The following LRCH2 variants were observed in gnomAD, a reference collection of about 807,000 sequenced individuals.
The protein encoded by LRCH2 is leucine rich repeats and calponin homology domain containing 2.
A neutral mutation model predicts 68.9 loss-of-function variants in LRCH2; 38 were observed. That is an observed-to-expected ratio of 0.55 (90% confidence interval 0.43 to 0.72). The LOEUF is 0.72. Ranked by LOEUF, LRCH2 falls within the 30% of genes least tolerant of loss-of-function variation. LRCH2 has a pLI of 0.00. For synonymous variants in LRCH2, 191 were observed against 208.1 expected, an observed-to-expected ratio of 0.92 and a Z score of 0.71; for missense variants, 528 against 572.9, an observed-to-expected ratio of 0.92 and a Z score of 0.80.
rs200064828 is a variant in LRCH2, at chrX:115,190,721, G to A, written c.350-2351C>T. ...GGAGAAGGCCGCTATGAGGAGTACC[G>A]AGGCCGCTCACACGAGGCCCGCAGC... On this transcript the variant is annotated intron_variant, in intron 1 of 20. Coordinates refer to ENST00000317135, the MANE Select transcript of LRCH2 (RefSeq NM_020871.4). 3,384 of 1,164,190 alleles carry A rather than the reference G, an allele frequency of 2.9e-3. 8 individuals carry two copies. The highest frequency in any genetic ancestry group is 3.4e-3 in the Non-Finnish European group (2,987 of 872,195).
In LRCH2 at chrX:115,119,840, G is replaced by C. The variant is rs1446664874; in HGVS notation, c.2178+2687C>G. Among the ~76,000 whole-genome samples the C allele has an allele frequency of 5.5e-4, 59 of 107,305 alleles. 1 individual carries two copies. The highest frequency in any genetic ancestry group is 3.3e-3 in the Admixed American group (33 of 9,921). The allele number at this position is 107,305 out of a possible 115,157, so 93.2% of individuals were successfully genotyped here. On this transcript the variant is annotated intron_variant, in intron 20 of 20. Coordinates refer to ENST00000317135, the MANE Select transcript of LRCH2 (RefSeq NM_020871.4). ...AACAGAGATATAGATCAATGGAACA[G>C]AACAGAGCCCTCAGAAATAACACCG...
At chrX:115,121,815 G>T (rs868942282) in intron 20 of LRCH2, among the ~76,000 whole-genome samples, 3 of 111,782 alleles carry the variant, frequency 2.7e-5, no homozygotes, top group Admixed American at 9.5e-5. Flanking sequence ...GGGATCTGTA[G>T]ACCAGATTAT....
intron 15 of LRCH2, among the ~76,000 whole-genome samples, chrX:115,129,532 T>C (rs1032689660): frequency 1.8e-5 from 2 of 111,327 alleles, no homozygotes; most frequent in Admixed American, 1.9e-4. Flanking sequence ...CGACCAATCA[T>C]CTGGCTCTAT....
chrX:115,210,902 A>G (rs1387206452), intron 1 of LRCH2, among the ~76,000 whole-genome samples: 1 of 112,069 alleles, frequency 8.9e-6, no homozygotes. Flanking sequence ...AACTTGCACA[A>G]GGCCTGTAAC....
At chrX:115,197,818 G>GTCTCTCTCTCTCTCTCTC (rs1196662958) in intron 1 of LRCH2, among the ~76,000 whole-genome samples, 13 of 13,413 alleles carry the variant, frequency 9.7e-4, no homozygotes, top group African/African-American at 1.9e-3. Context: ...AACAGAACAA[G>GTCTCTCTCTCTCTCTCTC]TCTCTCTCTC....
At chrX:115,152,719 T>G (rs1007966197) in intron 12 of LRCH2, among the ~76,000 whole-genome samples, 2 of 110,316 alleles carry the variant, frequency 1.8e-5, no homozygotes, top group African/African-American at 6.6e-5. Flanking sequence ...GGCCCCAAAA[T>G]TTCAAATTTC....
At chrX:115,138,973 A>G (rs782545246) in intron 14 of LRCH2, 12 of 111,394 alleles carry the variant, frequency 1.1e-4, no homozygotes, top group Middle Eastern at 4.3e-3. Context: ...GAAAAACAGA[A>G]AGGTCAGTCC....
chrX:115,193,790 C>A (rs2072866274), intron 1 of LRCH2, among the ~76,000 whole-genome samples: 1 of 111,294 alleles, frequency 9.0e-6, no homozygotes, highest in African/African-American at 3.3e-5. Context: ...TAGATGCCAG[C>A]AACAACCTCT....
At chrX:115,192,992 A>C in intron 1 of LRCH2, 1 of 218,429 alleles carries the variant, frequency 4.6e-6, no homozygotes, top group Non-Finnish European at 8.7e-6. Context: ...CTGCTCACCT[A>C]AAATGGAAAA....
At chrX:115,150,291 G>C (rs2072422575) in intron 12 of LRCH2, among the ~76,000 whole-genome samples, 1 of 110,509 alleles carries the variant, frequency 9.0e-6, no homozygotes. Flanking sequence ...ATTCTATGTA[G>C]GCCCTATGCA....
intron 1 of LRCH2, among the ~76,000 whole-genome samples, chrX:115,198,041 T>A (rs1178618631): frequency 1.9e-5 from 2 of 106,067 alleles, no homozygotes; most frequent in Non-Finnish European, 3.9e-5. Flanking sequence ...TTCTTTTTTT[T>A]TTTTTTTGAA....
intron 1 of LRCH2, among the ~76,000 whole-genome samples, chrX:115,188,913 T>C (rs1569515489): frequency 8.9e-6 from 1 of 112,439 alleles, no homozygotes; most frequent in Non-Finnish European, 1.9e-5. Context: ...ATTCCAAATA[T>C]GCTATTTGTC....
At chrX:115,118,697 C>T (rs1467512034) in intron 20 of LRCH2, among the ~76,000 whole-genome samples, 1 of 111,107 alleles carries the variant, frequency 9.0e-6, no homozygotes, top group East Asian at 2.8e-4. Flanking sequence ...ATACCAAAGC[C>T]GAGCAGAGAC....
rs1556551852 is a variant in LRCH2 at position 115,179,635 on chromosome X, G to A, written c.727+11C>T. ...TCTTATTCATGTGAGTAAAAACAGT[G>A]AACATCTTACCATCTGGCAAAACAT... On this transcript the variant is annotated intron_variant, in intron 4 of 20. Coordinates refer to ENST00000317135, the MANE Select transcript of LRCH2 (RefSeq NM_020871.4). 1 of 1,110,401 alleles carries A rather than the reference G, an allele frequency of 9.0e-7. No individual in the cohort carries two copies. Among genetic ancestry groups the A allele is most frequent in the South Asian group, 2.3e-5 (1 of 43,996 alleles). 91.5% of individuals were successfully genotyped at this position (1,110,401 alleles called of 1,213,427 possible).
At chrX:115,127,962 T>C (rs1166351353) in intron 15 of LRCH2, among the ~76,000 whole-genome samples, 1 of 110,624 alleles carries the variant, frequency 9.0e-6, no homozygotes, top group Non-Finnish European at 1.9e-5. Context: ...AAACTGAAGG[T>C]TTCCAAGCAA....
At chrX:115,233,556 G>T in intron 1 of LRCH2, 137 bp downstream of exon 1, 1 of 598,939 alleles carries the variant, frequency 1.7e-6, no homozygotes, top group Non-Finnish European at 2.5e-6. Context: ...CAGGAGAACG[G>T]GCTGCCCCGA....
At chrX:115,215,899 G>C (rs1186717068) in intron 1 of LRCH2, among the ~76,000 whole-genome samples, 2 of 111,239 alleles carry the variant, frequency 1.8e-5, no homozygotes, top group African/African-American at 6.5e-5. Flanking sequence ...ACAAAATGAG[G>C]TAACTTCTCT....
intron 1 of LRCH2, among the ~76,000 whole-genome samples, chrX:115,221,907 A>T (rs1457232487): frequency 9.2e-6 from 1 of 108,975 alleles, no homozygotes; most frequent in African/African-American, 3.3e-5. Context: ...AGGAGTTCAC[A>T]AGGTGGAAAG....
rs782239266 is a variant in LRCH2 at position 115,191,230 on chromosome X, C to T, written c.350-2860G>A. ...AGGCTGCTACGAGGAGTACCGAGGC[C>T]GCTCCCTCGATGCCAACAGTGGAGG... On this transcript the variant is annotated intron_variant, in intron 1 of 20. Coordinates refer to ENST00000317135, the MANE Select transcript of LRCH2 (RefSeq NM_020871.4). 30 of 1,153,384 alleles carry T rather than the reference C, an allele frequency of 2.6e-5. No individual in the cohort carries two copies. The highest frequency in any genetic ancestry group is 5.8e-5 in the South Asian group (3 of 51,864).
Sources: gnomAD v4.1 joint callset for allele counts (sites outside exome capture counted in the v4.1 genomes callset) on GRCh38, gnomAD v4.1.1 for gene constraint, MANE v1.5 for transcripts, NCBI Gene and HGNC (gene_info 2026-07-23, HGNC 2026-07-21) for gene names.